CRPPA: variants seen among roughly 807,000 people sequenced by gnomAD.
CRPPA encodes CDP-L-ribitol pyrophosphorylase A.
Under a neutral mutation model 52.0 loss-of-function variants are expected in CRPPA, and 43 were observed. The observed-to-expected ratio is 0.83, with a 90% confidence interval of 0.65 to 1.07. CRPPA has a LOEUF of 1.07. CRPPA is among the 50% of genes least tolerant of loss of function. The pLI is 0.00. For synonymous variants in CRPPA, 250 were observed against 203.5 expected, an observed-to-expected ratio of 1.23 and a Z score of -1.94; for missense variants, 629 against 551.7, an observed-to-expected ratio of 1.14 and a Z score of -1.40.
In CRPPA at chr7:16,237,082, C is replaced by A. The variant is rs900486699; in HGVS notation, c.1120-20885G>T. ...CAAACCACAAAGTTCCCTCTCTAAT[C>A]TTCCGTATCTTACTATCATTCGCCA... is the stretch of plus-strand genomic sequence containing the variant. On this transcript the variant is annotated intron_variant, in intron 8 of 9. Transcript: ENST00000407010. Among the ~76,000 whole-genome samples the A allele has an allele frequency of 5.3e-5, 8 of 152,224 alleles. No homozygotes were observed. The East Asian group carries it at 1.5e-3, about 29-fold the overall frequency.
chr7:16,224,237 T>C (rs1782593726), intron 8 of CRPPA, among the ~76,000 whole-genome samples: 1 of 152,190 alleles, frequency 6.6e-6, no homozygotes, highest in African/African-American at 2.4e-5. Flanking sequence ...TCATTTAATA[T>C]ATTCCTGGTC....
At position 16,256,446 on chromosome 7, in the gene CRPPA, A is replaced by G. The variant is rs142775157; in HGVS notation, c.1119+1944T>C. 5.6e-3 allele frequency among the ~76,000 whole-genome samples: 860 copies of G among 152,318 alleles called. 10 individuals are homozygous for G. The highest frequency in any genetic ancestry group is 0.019 in the African/African-American group (784 of 41,564). On this transcript the variant is annotated intron_variant, in intron 8 of 9. Transcript: ENST00000407010. The stretch of plus-strand genomic sequence containing the variant: ...CCAAAGGATTATAAATCATTCTACA[A>G]TAAAGACACATGCACACGTATGTTT...
intron 9 of CRPPA, among the ~76,000 whole-genome samples, chr7:16,114,140 CT>C (rs1489610824): frequency 1.3e-5 from 2 of 151,708 alleles, no homozygotes; most frequent in Non-Finnish European, 2.9e-5. Context: ...TTTTAAGAGA[CT>C]GCTTAATGTA....
intron 5 of CRPPA, among the ~76,000 whole-genome samples, chr7:16,290,171 G>A (rs1784529582): frequency 6.6e-6 from 1 of 151,890 alleles, no homozygotes; most frequent in African/African-American, 2.4e-5. Flanking sequence ...AAAATGGGAA[G>A]ACATCCATGC....
intron 9 of CRPPA, among the ~76,000 whole-genome samples, chr7:16,197,501 G>A (rs543165325): frequency 4.6e-5 from 7 of 151,432 alleles, no homozygotes; most frequent in Non-Finnish European, 7.4e-5. Context: ...CCATACTTGC[G>A]CAGCATTTTT....
At position 16,255,796 on chromosome 7, in the gene CRPPA, G is replaced by C. The variant is rs189911788; in HGVS notation, c.1119+2594C>G. 5.9e-5 allele frequency among the ~76,000 whole-genome samples: 9 copies of C among 152,156 alleles called. No homozygotes were observed. The East Asian group carries it at 1.7e-3, about 29-fold the overall frequency. On this transcript the variant is annotated intron_variant, in intron 8 of 9. Coordinates refer to ENST00000407010, the MANE Select transcript of CRPPA (RefSeq NM_001101426.4). ...ATGCCTTATACAAAAATTAACTCAA[G>C]ATCAATTAAAGACTTAAACATAAGA...
chr7:16,209,271 G>GTTTTTTTTTTTTTTTTT (rs1316167969), intron 9 of CRPPA: 5 of 137,818 alleles, frequency 3.6e-5, no homozygotes, highest in Non-Finnish European at 8.2e-5. Flanking sequence ...GGTTCTAAGT[G>GTTTTTTTTTTTTTTTTT]TCTTTTTTTT....
rs528491953 is a variant in CRPPA at position 16,389,380 on chromosome 7, A to G, written c.535-13139T>C. On this transcript the variant is annotated intron_variant, in intron 2 of 9. Coordinates refer to ENST00000407010, the MANE Select transcript of CRPPA (RefSeq NM_001101426.4). ...AACAAGATACCTACAAACCCAATTC[A>G]GCAACATATAAAAAAGCGTTATACA... Among the ~76,000 whole-genome samples the G allele has an allele frequency of 1.1e-3, 166 of 152,318 alleles. 1 individual carries two copies. Among genetic ancestry groups the G allele is most frequent in the Admixed American group, 5.0e-3 (77 of 15,302 alleles).
At chr7:16,277,794 G>A (rs1314441244) in intron 6 of CRPPA, among the ~76,000 whole-genome samples, 1 of 152,004 alleles carries the variant, frequency 6.6e-6, no homozygotes, top group Non-Finnish European at 1.5e-5. Flanking sequence ...AATCTTCACA[G>A]AGTCTACAAA....
chr7:16,271,278 G>C (rs1274437106), intron 6 of CRPPA, among the ~76,000 whole-genome samples: 4 of 152,078 alleles, frequency 2.6e-5, no homozygotes, highest in African/African-American at 9.7e-5. Context: ...TATGCATTTA[G>C]AGGTAATGTG....
At chr7:16,112,400 A>G (rs1414848747) in intron 9 of CRPPA, among the ~76,000 whole-genome samples, 1 of 152,168 alleles carries the variant, frequency 6.6e-6, no homozygotes, top group East Asian at 1.9e-4. Flanking sequence ...AAGGATCTGC[A>G]GATAGATAGC....
intron 9 of CRPPA, among the ~76,000 whole-genome samples, chr7:16,128,971 C>A (rs1036120124): frequency 2.0e-5 from 3 of 152,144 alleles, no homozygotes; most frequent in African/African-American, 7.2e-5. Flanking sequence ...CTGTTCCAAA[C>A]AAGAAATGTT....
chr7:16,212,268 T>C (rs908525937), intron 9 of CRPPA, among the ~76,000 whole-genome samples: 3 of 152,142 alleles, frequency 2.0e-5, no homozygotes, highest in Non-Finnish European at 4.4e-5. Context: ...CCCCATCCAA[T>C]TAAAATACTG....
At chr7:16,203,641 G>C (rs1781907016) in intron 9 of CRPPA, among the ~76,000 whole-genome samples, 1 of 152,046 alleles carries the variant, frequency 6.6e-6, no homozygotes. Flanking sequence ...GATGAGAGAG[G>C]AAATTGCCCT....
intron 9 of CRPPA, among the ~76,000 whole-genome samples, chr7:16,116,669 A>T (rs1782379164): frequency 6.6e-6 from 1 of 151,592 alleles, no homozygotes; most frequent in Non-Finnish European, 1.5e-5. Context: ...GAAAAAAAAA[A>T]AAAAAAGGAA....
intron 3 of CRPPA, among the ~76,000 whole-genome samples, chr7:16,309,778 A>G (rs1784995169): frequency 1.3e-5 from 2 of 152,136 alleles, no homozygotes; most frequent in Non-Finnish European, 1.5e-5. Context: ...TTATCCTTAC[A>G]TGGAAGCTAC....
chr7:16,385,396 T>C (rs1787233540), intron 2 of CRPPA, among the ~76,000 whole-genome samples: 1 of 152,176 alleles, frequency 6.6e-6, no homozygotes, highest in Non-Finnish European at 1.5e-5. Context: ...AAGAAAATCT[T>C]GAAAGCAGCT....
At position 16,376,240 on chromosome 7, in the gene CRPPA, GC is replaced by G; in HGVS notation, c.535del (p.Ala179GlnfsTer21). 1 of 1,597,020 alleles carries G rather than the reference GC, an allele frequency of 6.3e-7. No individual in the cohort carries two copies. Among genetic ancestry groups the G allele is most frequent in the Non-Finnish European group, 8.5e-7 (1 of 1,173,612 alleles). ...TACAAGAGGTCGAATGGCTCCTGCTGCCTGAAGAACAAAGAGGCAAAGAATA... is the reference window on the plus strand; with the variant it reads ...TACAAGAGGTCGAATGGCTCCTGCTGCTGAAGAACAAAGAGGCAAAGAATA... ...KVVTAAKEHG[A>X]AGAIRPLVST... On this transcript the variant is annotated frameshift_variant and splice_region_variant, in exon 3 of 10. Transcript: ENST00000407010. LOFTEE classifies it high-confidence loss of function.
intron 3 of CRPPA, among the ~76,000 whole-genome samples, chr7:16,311,347 G>A (rs927593462): frequency 3.3e-5 from 5 of 151,998 alleles, no homozygotes; most frequent in East Asian, 1.9e-4. Flanking sequence ...ACATACCTCC[G>A]GCCCCCACAA....
Sources: gnomAD v4.1 joint callset for allele counts (sites outside exome capture counted in the v4.1 genomes callset) on GRCh38, gnomAD v4.1.1 for gene constraint, MANE v1.5 for transcripts, NCBI Gene and HGNC (gene_info 2026-07-23, HGNC 2026-07-21) for gene names.